Variants in RCSD1 observed in about 807,000 individuals in gnomAD.
RCSD1 encodes the protein RCSD domain containing 1, also known as capZ-interacting protein.
A neutral mutation model predicts 42.5 loss-of-function variants in RCSD1; 26 were observed. That is an observed-to-expected ratio of 0.61 (90% CI 0.45 to 0.85). RCSD1 has a LOEUF of 0.85. Ranked by LOEUF, RCSD1 falls within the 40% of genes least tolerant of loss-of-function variation. The pLI is 0.00. For missense variants in RCSD1, 571 were observed against 528.3 expected (o/e 1.08, Z -0.79); for synonymous variants, 220 against 212.2 (o/e 1.04, Z -0.32).
intron 1 of RCSD1, among the ~76,000 whole-genome samples, chr1:167,638,627 C>A (rs1388533409): frequency 1.3e-5 from 2 of 152,210 alleles, no homozygotes; most frequent in Admixed American, 6.5e-5. Context: ...TGGAGGCCAG[C>A]CAGCTCAAGG....
intron 1 of RCSD1, among the ~76,000 whole-genome samples, chr1:167,666,835 G>A (rs1047295040): frequency 1.3e-5 from 2 of 152,238 alleles, no homozygotes; most frequent in South Asian, 2.1e-4. Context: ...GGCCAAGGGG[G>A]ACGGCTTTGA....
At chr1:167,657,767 T>A (rs1658454899) in intron 1 of RCSD1, among the ~76,000 whole-genome samples, 1 of 152,090 alleles carries the variant, frequency 6.6e-6, no homozygotes, top group South Asian at 2.1e-4. Context: ...AAAATTCTCA[T>A]TTCAGCATTA....
At chr1:167,653,080 G>A (rs140145457) in intron 1 of RCSD1, among the ~76,000 whole-genome samples, 28 of 152,226 alleles carry the variant, frequency 1.8e-4, no homozygotes, top group Middle Eastern at 3.4e-3. Flanking sequence ...AACAATTTTC[G>A]CCATAATCCT....
intron 2 of RCSD1, among the ~76,000 whole-genome samples, chr1:167,684,612 C>A (rs148516388): frequency 1.3e-5 from 2 of 151,920 alleles, no homozygotes; most frequent in African/African-American, 2.4e-5. Flanking sequence ...CGGTGGCTCA[C>A]GCCTGTAATT....
chr1:167,678,402 CCAACATGGCTTT>C (rs60631836), intron 1 of RCSD1, among the ~76,000 whole-genome samples: 4,091 of 151,718 alleles, frequency 0.027, 203 homozygotes, highest in African/African-American at 0.094. Context: ...CCCTCTCTCC[CCAACATGGCTTT>C]CAACCCAGAA....
At chr1:167,651,413 C>T (rs902361966) in intron 1 of RCSD1, among the ~76,000 whole-genome samples, 1 of 152,224 alleles carries the variant, frequency 6.6e-6, no homozygotes, top group Admixed American at 6.5e-5. Flanking sequence ...CCCTGGGCCA[C>T]ATCCTAGAAA....
At chr1:167,686,700 G>T (rs528197356) in intron 3 of RCSD1, among the ~76,000 whole-genome samples, 1 of 152,126 alleles carries the variant, frequency 6.6e-6, no homozygotes, top group Non-Finnish European at 1.5e-5. Context: ...TGGCTTTATG[G>T]GGTCATCAGC....
chr1:167,671,677 C>G (rs1158277227), intron 1 of RCSD1, among the ~76,000 whole-genome samples: 1 of 152,220 alleles, frequency 6.6e-6, no homozygotes, highest in African/African-American at 2.4e-5. Flanking sequence ...CTGAAGACCA[C>G]TCCTGAACCC....
chr1:167,680,064 G>A (rs1005588522), intron 1 of RCSD1, among the ~76,000 whole-genome samples: 5 of 152,094 alleles, frequency 3.3e-5, no homozygotes, highest in Non-Finnish European at 5.9e-5. Context: ...CATGGTTTCC[G>A]AGTTACCTGG....
intron 1 of RCSD1, among the ~76,000 whole-genome samples, chr1:167,655,265 G>A (rs974054639): frequency 1.3e-5 from 2 of 152,292 alleles, no homozygotes; most frequent in South Asian, 4.1e-4. Flanking sequence ...ATCTCTGCCT[G>A]GGGAGGGTTG....
intron 1 of RCSD1, among the ~76,000 whole-genome samples, chr1:167,671,884 T>G (rs952369064): frequency 2.0e-5 from 3 of 152,228 alleles, no homozygotes; most frequent in African/African-American, 7.2e-5. Context: ...GAGGCTCCCC[T>G]GGCCTTGAAC....
chr1:167,654,332 A>G lies in RCSD1; in HGVS notation c.6+23903A>G, dbSNP rs549017485. Among the ~76,000 whole-genome samples the G allele has an allele frequency of 2.0e-5, 3 of 152,306 alleles. No individual in the cohort carries two copies. The South Asian group carries it at 6.2e-4, about 32-fold the overall frequency. ...TGGCTGCACCATTACCCCTCAGACC[A>G]GGGATTATATACCATAGGGAAAGGG... On this transcript the variant is annotated intron_variant, in intron 1 of 6. Coordinates refer to ENST00000367854, the MANE Select transcript of RCSD1 (RefSeq NM_052862.4).
intron 1 of RCSD1, among the ~76,000 whole-genome samples, chr1:167,658,001 C>T (rs528607110): frequency 6.6e-6 from 1 of 152,216 alleles, no homozygotes; most frequent in South Asian, 2.1e-4. Context: ...GATCCTAGCT[C>T]ACTGCAGCCT....
chr1:167,704,949 A>G lies in RCSD1; in HGVS notation c.*253A>G, dbSNP rs1234672406. On this transcript the variant is annotated 3_prime_UTR_variant, in exon 7 of 7. Transcript: ENST00000367854. ...TATGTCATTTGATGGACTTGGTTCA[A>G]CAACAAGAACTTACTTAAAACAATG... 1.8e-5 allele frequency: 8 copies of G among 455,242 alleles called. No homozygotes were observed. Among genetic ancestry groups the G allele is most frequent in the African/African-American group, 4.0e-5 (2 of 50,210 alleles). The allele number at this position is 455,242 out of a possible 1,614,324, so 28.2% of individuals were successfully genotyped here.
At chr1:167,698,989 CG>C (rs887517778) in intron 6 of RCSD1, among the ~76,000 whole-genome samples, 1 of 151,928 alleles carries the variant, frequency 6.6e-6, no homozygotes, top group Non-Finnish European at 1.5e-5. Flanking sequence ...TTAGTGGAGA[CG>C]GGTTTCACCG....
At position 167,707,579 on chromosome 1, in the gene RCSD1, ATTCTTTTTTTT is replaced by A. The variant is rs1306991220; in HGVS notation, c.*2893_*2903del. On this transcript the variant is annotated 3_prime_UTR_variant, in exon 7 of 7. Coordinates refer to ENST00000367854, the MANE Select transcript of RCSD1 (RefSeq NM_052862.4). ...CTCTGCTTTCCCTCGTATTGGCCAT[ATTCTTTTTTTT>A]TTCTTTTTTAAAAACTTATTTAATT... Among the ~76,000 whole-genome samples, 1 of 151,778 alleles carries A rather than the reference ATTCTTTTTTTT, an allele frequency of 6.6e-6. No homozygotes were observed. Among genetic ancestry groups the A allele is most frequent in the African/African-American group, 2.4e-5 (1 of 41,258 alleles).
chr1:167,684,777 G>A (rs989603739), intron 2 of RCSD1, among the ~76,000 whole-genome samples: 1 of 152,204 alleles, frequency 6.6e-6, no homozygotes, highest in Non-Finnish European at 1.5e-5. Context: ...AGGAGGCTGA[G>A]GCAGGAGAAT....
intron 1 of RCSD1, among the ~76,000 whole-genome samples, chr1:167,631,836 T>A (rs1657704877): frequency 6.6e-6 from 1 of 152,226 alleles, no homozygotes; most frequent in South Asian, 2.1e-4. Context: ...CAAAGCTTCA[T>A]GACTTCTCTA....
rs765581592 is a variant in RCSD1 at position 167,694,260 on chromosome 1, C to T, written c.432C>T (p.Phe144=). The T allele has an allele frequency of 1.6e-5, 26 of 1,614,052 alleles. No homozygotes were observed. Among genetic ancestry groups the T allele is most frequent in the Non-Finnish European group, 2.1e-5 (25 of 1,180,044 alleles). Residue 144 remains phenylalanine, a synonymous_variant, in exon 5 of 7, where the codon TTC becomes TTT. Coordinates refer to ENST00000367854, the MANE Select transcript of RCSD1 (RefSeq NM_052862.4). ...AGGCAGAGGAGGTGCCTGTCAGCTTCGACCAGCCCCCTGAAGGCAGTCATC... is the reference window on the plus strand; with the variant it reads ...AGGCAGAGGAGGTGCCTGTCAGCTTTGACCAGCCCCCTGAAGGCAGTCATC... The part of the protein sequence containing the change: ...PSEAEEVPVS[F]DQPPEGSHLP...
Sources: gnomAD v4.1 joint callset for allele counts (sites outside exome capture counted in the v4.1 genomes callset) on GRCh38, gnomAD v4.1.1 for gene constraint, MANE v1.5 for transcripts, NCBI Gene and HGNC (gene_info 2026-07-23, HGNC 2026-07-21) for gene names.